Variants in ZNF729 observed in about 807,000 individuals in gnomAD.
ZNF729 encodes zinc finger protein 729.
ZNF729 carries 15 observed loss-of-function variants against 12.2 expected under a neutral mutation model. That is an observed-to-expected ratio of 1.23 (90% CI 0.82 to 1.89). The LOEUF (loss-of-function observed/expected upper bound fraction) is 1.89. ZNF729 is among the 40% of genes most tolerant of loss of function. The pLI, the probability that ZNF729 is intolerant of heterozygous loss-of-function variation, is 0.00. For missense variants in ZNF729, 1,540 were observed against 1,456.7 expected, an observed-to-expected ratio of 1.06 and a Z score of -0.93; for synonymous variants, 492 against 476.3, an observed-to-expected ratio of 1.03 and a Z score of -0.43.
chr19:22,304,548 T>G, intron 2 of ZNF729, 140 bp from the exon 3 acceptor site: 1 of 780,814 alleles, frequency 1.3e-6, no homozygotes, highest in Non-Finnish European at 1.9e-6. Flanking sequence ...TTGAAAATAC[T>G]TTCTAAATAT....
rs758781046 is a variant in ZNF729 at position 22,315,063 on chromosome 19, G to A, written c.1646G>A (p.Cys549Tyr). 2.5e-6 allele frequency: 4 copies of A among 1,611,330 alleles called. No homozygotes were observed. The highest frequency in any genetic ancestry group is 3.4e-6 in the Non-Finnish European group (4 of 1,179,722). ...GAGAAACCCTACAAATGTGAAGAAT[G>A]TGGTAAAGCTTTTAAGTGGTCATCA... is the stretch of plus-strand genomic sequence containing the variant. ...TGEKPYKCEECGKAFKWSSKL... is the reference protein window; with the variant it reads ...TGEKPYKCEEYGKAFKWSSKL... The change falls in exon 4 of 4, where the codon TGT becomes TAT. Residue 549 changes from cysteine (C) to tyrosine (Y), a missense_variant. Transcript: ENST00000601693.
rs754527849 is a variant in ZNF729, at chr19:22,316,714, T to A, written c.3297T>A (p.Thr1099=). ...SALRKHKVIH[T]GKKPYQCDEC... ...TTAGAAAACATAAGGTAATTCATAC[T>A]GGAAAGAAACCCTACCAATGTGACG... Residue 1099 remains threonine (T), a synonymous_variant, in exon 4 of 4, where the codon ACT becomes ACA. Coordinates refer to ENST00000601693, the MANE Select transcript of ZNF729 (RefSeq NM_001242680.2). The A allele has an allele frequency of 6.2e-7, 1 of 1,612,934 alleles. No individual in the cohort carries two copies. Among genetic ancestry groups the A allele is most frequent in the South Asian group, 1.1e-5 (1 of 91,064 alleles).
intron 1 of ZNF729, among the ~76,000 whole-genome samples, chr19:22,295,348 C>G (rs112839502): frequency 0.022 from 3,311 of 149,476 alleles, 106 homozygotes; most frequent in African/African-American, 0.078. Flanking sequence ...TTCCAATTCT[C>G]TTAAATAGGA....
chr19:22,308,912 A>ACC (rs1968417411), intron 3 of ZNF729, among the ~76,000 whole-genome samples: 1 of 151,506 alleles, frequency 6.6e-6, no homozygotes, highest in Non-Finnish European at 1.5e-5. Context: ...TACAGAGAGA[A>ACC]CCCTCCCTAA....
intron 3 of ZNF729, among the ~76,000 whole-genome samples, chr19:22,312,802 C>A (rs2145056973): frequency 6.6e-6 from 1 of 152,176 alleles, no homozygotes; most frequent in East Asian, 1.9e-4. Context: ...CAACCTCCGC[C>A]TCCCAGGTTC....
chr19:22,294,126 A>G (rs1167902105), intron 1 of ZNF729, among the ~76,000 whole-genome samples: 1 of 152,204 alleles, frequency 6.6e-6, no homozygotes, highest in Non-Finnish European at 1.5e-5. Context: ...GCTTTAATTC[A>G]TCTTGAGTTG....
In ZNF729 at chr19:22,310,018, C is replaced by T. The variant is rs112869551; in HGVS notation, c.254-3653C>T. Among the ~76,000 whole-genome samples, 452 of 151,326 alleles carry T rather than the reference C, an allele frequency of 3.0e-3. 4 individuals are homozygous for T. Among genetic ancestry groups the T allele is most frequent in the African/African-American group, 0.011 (440 of 41,264 alleles). On this transcript the variant is annotated intron_variant, in intron 3 of 3. Transcript: ENST00000601693. Reference sequence around the variant, plus strand: ...TTATTGATTTGACTCTCTGCTTGGTCGCTGTTGGTGTATAGAAGAGCTACT... The same window carrying T: ...TTATTGATTTGACTCTCTGCTTGGTTGCTGTTGGTGTATAGAAGAGCTACT...
chr19:22,294,657 CTTTTTTTTTTTT>C (rs71180535), intron 1 of ZNF729, among the ~76,000 whole-genome samples: 1 of 92,440 alleles, frequency 1.1e-5, no homozygotes, highest in Admixed American at 1.1e-4. Context: ...TTTTCTTTTT[CTTTTTTTTTTTT>C]TTTTTGAGTC....
chr19:22,288,377 T>C (rs987986369), intron 1 of ZNF729, among the ~76,000 whole-genome samples: 74 of 152,174 alleles, frequency 4.9e-4, no homozygotes, highest in Admixed American at 1.1e-3. Context: ...GTAAATGTTT[T>C]CCTTTGGAAA....
At chr19:22,292,936 G>A (rs1411758973) in intron 1 of ZNF729, among the ~76,000 whole-genome samples, 1 of 152,084 alleles carries the variant, frequency 6.6e-6, no homozygotes, top group African/African-American at 2.4e-5. Context: ...GTTCTGTGAG[G>A]AATTGCCACA....
chr19:22,304,617 C>A, intron 2 of ZNF729, 71 bp from the exon 3 acceptor site: 1 of 1,267,700 alleles, frequency 7.9e-7, no homozygotes, highest in Non-Finnish European at 1.1e-6. Flanking sequence ...TATTCTATTA[C>A]ATTCTCTTTA....
chr19:22,300,667 T>C (rs1298881328), intron 1 of ZNF729, among the ~76,000 whole-genome samples: 4 of 152,200 alleles, frequency 2.6e-5, no homozygotes. Flanking sequence ...ATCAGAATTC[T>C]ACAAACTTCA....
At chr19:22,294,156 G>A (rs1353483099) in intron 1 of ZNF729, among the ~76,000 whole-genome samples, 3 of 152,204 alleles carry the variant, frequency 2.0e-5, no homozygotes, top group Non-Finnish European at 2.9e-5. Flanking sequence ...TATGATGTAA[G>A]GAAGGGGTCC....
At chr19:22,309,349 G>A (rs931049829) in intron 3 of ZNF729, among the ~76,000 whole-genome samples, 2 of 152,140 alleles carry the variant, frequency 1.3e-5, no homozygotes, top group Admixed American at 1.3e-4. Context: ...GGAGGCTGAG[G>A]CAGGAGAATT....
chr19:22,298,490 G>A (rs1170899822), intron 1 of ZNF729, among the ~76,000 whole-genome samples: 1 of 151,932 alleles, frequency 6.6e-6, no homozygotes, highest in Non-Finnish European at 1.5e-5. Context: ...TATCTAATAG[G>A]GATAACTATA....
chr19:22,298,971 T>C (rs1416145973), intron 1 of ZNF729: 1 of 152,322 alleles, frequency 6.6e-6, no homozygotes, highest in Middle Eastern at 3.4e-3. Flanking sequence ...AGATTATACA[T>C]CTTCATCAAA....
At chr19:22,293,000 G>A (rs77408464) in intron 1 of ZNF729, among the ~76,000 whole-genome samples, 3 of 152,172 alleles carry the variant, frequency 2.0e-5, no homozygotes, top group Non-Finnish European at 4.4e-5. Context: ...GCACATAGCC[G>A]TTTCTCTGAA....
chr19:22,310,229 T>C (rs1325212368), intron 3 of ZNF729, among the ~76,000 whole-genome samples: 2 of 152,102 alleles, frequency 1.3e-5, no homozygotes, highest in African/African-American at 4.8e-5. Context: ...GGCTAAGACT[T>C]CTAGTACTGT....
intron 1 of ZNF729, among the ~76,000 whole-genome samples, chr19:22,295,779 C>T (rs114487806): frequency 2.5e-3 from 376 of 152,208 alleles, no homozygotes; most frequent in African/African-American, 8.2e-3. Flanking sequence ...ATAGATAACT[C>T]ATTATTTTGA....
Sources: allele counts gnomAD v4.1 joint callset (sites outside exome capture counted in the v4.1 genomes callset), GRCh38; gene constraint gnomAD v4.1.1; transcripts MANE v1.5; gene names NCBI Gene and HGNC (gene_info 2026-07-23, HGNC 2026-07-21).